The following TENM1 variants were observed in gnomAD, a reference collection of about 807,000 sequenced individuals.
The protein encoded by TENM1 is teneurin transmembrane protein 1.
A neutral mutation model predicts 174.8 loss-of-function variants in TENM1; 35 were observed. The ratio of observed to expected loss-of-function variants is 0.20; its 90% CI spans 0.15 to 0.27. TENM1 has a LOEUF of 0.27. TENM1 is among the 10% of genes least tolerant of loss of function. The pLI is 1.00. For missense variants in TENM1, 1,633 were observed against 2,130.1 expected, an observed-to-expected ratio of 0.77 and a Z score of 4.59; for synonymous variants, 781 against 798.7, an observed-to-expected ratio of 0.98 and a Z score of 0.37.
chrX:124,936,590 T>C (rs755801908), intron 1 of TENM1, among the ~76,000 whole-genome samples: 2 of 112,210 alleles, frequency 1.8e-5, no homozygotes, highest in East Asian at 2.8e-4. Context: ...TGGCACACAA[T>C]AGATGTTCTC....
chrX:124,808,252 A>T (rs923846350), intron 3 of TENM1, among the ~76,000 whole-genome samples: 1 of 112,126 alleles, frequency 8.9e-6, no homozygotes, highest in Non-Finnish European at 1.9e-5. Flanking sequence ...TTATATAAAG[A>T]TAAAGGGGTC....
At chrX:124,413,878 T>C (rs777759185) in intron 25 of TENM1, among the ~76,000 whole-genome samples, 16 of 112,499 alleles carry the variant, frequency 1.4e-4, no homozygotes, top group African/African-American at 4.8e-4. Context: ...GATTATTACA[T>C]AAGCATTTCT....
At chrX:125,052,521 C>A in the TENM1 span, among the ~76,000 whole-genome samples, 1 of 111,589 alleles carries the variant, frequency 9.0e-6, no homozygotes, top group African/African-American at 3.3e-5. Flanking sequence ...ACCTTGCTTA[C>A]CCTCTTGTGG....
intron 5 of TENM1, among the ~76,000 whole-genome samples, chrX:124,679,100 T>G (rs767346166): frequency 1.8e-5 from 2 of 112,503 alleles, no homozygotes; most frequent in Non-Finnish European, 3.8e-5. Flanking sequence ...TTTGGGTTTT[T>G]ATTTTCTAAA....
chrX:124,849,987 A>T (rs763289735), intron 3 of TENM1, among the ~76,000 whole-genome samples: 2 of 111,862 alleles, frequency 1.8e-5, no homozygotes, highest in Non-Finnish European at 3.8e-5. Flanking sequence ...CACACAACTT[A>T]TCCTCACACT....
chrX:125,119,696 AGGCAACAGAT>A, the TENM1 span, among the ~76,000 whole-genome samples: 1 of 111,299 alleles, frequency 9.0e-6, no homozygotes, highest in Non-Finnish European at 1.9e-5. Context: ...CTCTGCTTCA[AGGCAACAGAT>A]GGCTTAAGTT....
At chrX:125,079,586 T>G in the TENM1 span, among the ~76,000 whole-genome samples, 2 of 111,964 alleles carry the variant, frequency 1.8e-5, no homozygotes, top group African/African-American at 6.5e-5. Context: ...ATTGCTTATG[T>G]TCTGCCACAA....
At chrX:125,160,362 GAA>G in the TENM1 span, among the ~76,000 whole-genome samples, 3 of 85,054 alleles carry the variant, frequency 3.5e-5, no homozygotes, top group Admixed American at 1.3e-4. Context: ...CATCTCTACT[GAA>G]AAAAAAAAAA....
exon 32 of TENM1, chrX:124,380,768 A>G: frequency 8.3e-7 from 1 of 1,211,317 alleles, no homozygotes; most frequent in Non-Finnish European, 1.1e-6. Flanking sequence ...CTGTCTGGCA[A>G]TCTCCAACAC....
chrX:125,044,825 C>A, the TENM1 span, among the ~76,000 whole-genome samples: 1 of 111,225 alleles, frequency 9.0e-6, no homozygotes, highest in Non-Finnish European at 1.9e-5. Context: ...GGAAAAATTT[C>A]AAATTTGTTA....
chrX:125,010,754 C>G, the TENM1 span, among the ~76,000 whole-genome samples: 1 of 105,305 alleles, frequency 9.5e-6, no homozygotes, highest in African/African-American at 3.5e-5. Flanking sequence ...GTGGAGCTTG[C>G]AGGGAGCCGA....
chrX:125,049,143 G>A, the TENM1 span, among the ~76,000 whole-genome samples: 2 of 111,349 alleles, frequency 1.8e-5, no homozygotes, highest in East Asian at 5.7e-4. Context: ...CAATTCAGTG[G>A]TGTTTAGTAT....
intron 20 of TENM1, among the ~76,000 whole-genome samples, chrX:124,490,878 C>A (rs953276711): frequency 8.9e-6 from 1 of 111,900 alleles, no homozygotes. Context: ...GATATGGTGT[C>A]TCCTATTTTT....
At chrX:125,089,224 CCT>C in the TENM1 span, among the ~76,000 whole-genome samples, 1 of 111,466 alleles carries the variant, frequency 9.0e-6, no homozygotes, top group African/African-American at 3.3e-5. Flanking sequence ...GTTAAAGATA[CCT>C]CTGTTATAGT....
rs186751827 is a variant in TENM1, at chrX:124,692,892, C to T, written c.1015+12121G>A. On this transcript the variant is annotated intron_variant, in intron 5 of 31. Transcript: ENST00000422452. ...GCGTGGTGATGCATGCCTGTAATTC[C>T]AGTTACTCGGGAGGCTGAGGCAGGA... is the stretch of plus-strand genomic sequence containing the variant. Among the ~76,000 whole-genome samples the T allele has an allele frequency of 1.8e-4, 19 of 105,758 alleles. No homozygotes were observed. The East Asian group carries it at 2.4e-3, about 13-fold the overall frequency. The allele number at this position is 105,758 out of a possible 115,157, so 91.8% of individuals were successfully genotyped here. A position where few individuals can be genotyped will look rare whatever the true frequency, so the allele number is the denominator to read the frequency against.
the TENM1 span, among the ~76,000 whole-genome samples, chrX:125,190,843 T>G: frequency 1.8e-5 from 2 of 111,587 alleles, no homozygotes; most frequent in Non-Finnish European, 3.8e-5. Context: ...ATTACCCACC[T>G]TTTTCAATCA....
At chrX:124,405,254 C>T (rs1464353415) in exon 27 of TENM1, 1 of 1,202,320 alleles carries the variant, frequency 8.3e-7, no homozygotes, top group African/African-American at 1.8e-5. Context: ...CCGATAGGTA[C>T]TTTGAGTATT....
intron 11 of TENM1, among the ~76,000 whole-genome samples, chrX:124,608,416 C>T (rs928201112): frequency 3.6e-5 from 4 of 111,323 alleles, no homozygotes; most frequent in African/African-American, 1.3e-4. Flanking sequence ...TGATGCCTTA[C>T]CATCGCTCCA....
chrX:124,999,972 G>A, the TENM1 span, among the ~76,000 whole-genome samples: 2 of 111,017 alleles, frequency 1.8e-5, no homozygotes, highest in African/African-American at 6.5e-5. Flanking sequence ...GTTAATGCAC[G>A]ACATTCTTTT....
Sources: allele counts gnomAD v4.1 joint callset (sites outside exome capture counted in the v4.1 genomes callset), GRCh38; gene constraint gnomAD v4.1.1; transcripts MANE v1.5; gene names NCBI Gene and HGNC (gene_info 2026-07-23, HGNC 2026-07-21).